Variants in CSTF3 observed in about 807,000 individuals in gnomAD.
CSTF3 encodes CF-1 77 kDa subunit.
A neutral mutation model predicts 105.8 loss-of-function variants in CSTF3; 29 were observed. That is an observed-to-expected ratio of 0.27 (90% CI 0.20 to 0.37). The LOEUF is 0.37. CSTF3 is among the 10% of genes least tolerant of loss of function. The pLI is 1.00. For synonymous variants in CSTF3, 252 were observed against 281.9 expected (o/e 0.89, Z 1.06); for missense variants, 357 against 879.3 (o/e 0.41, Z 7.51).
At chr11:33,109,360 T>C (rs980618743) in intron 3 of CSTF3, among the ~76,000 whole-genome samples, 17 of 152,226 alleles carry the variant, frequency 1.1e-4, no homozygotes, top group African/African-American at 3.9e-4. Flanking sequence ...CCCAGTTTTA[T>C]GGCTTAAACT....
At chr11:33,158,366 A>G (rs1317191667) in intron 1 of CSTF3, among the ~76,000 whole-genome samples, 1 of 152,202 alleles carries the variant, frequency 6.6e-6, no homozygotes, top group Non-Finnish European at 1.5e-5. Flanking sequence ...GAAATCCATG[A>G]ATCCATAGCG....
intron 19 of CSTF3, 32 bp from the exon 20 acceptor site, chr11:33,085,805 G>A: frequency 6.2e-7 from 1 of 1,603,796 alleles, no homozygotes; most frequent in South Asian, 1.1e-5. Context: ...TTTAATCCCA[G>A]TAATCTGACA....
intron 1 of CSTF3, among the ~76,000 whole-genome samples, chr11:33,155,537 A>G (rs1849853739): frequency 6.6e-6 from 1 of 152,214 alleles, no homozygotes; most frequent in Non-Finnish European, 1.5e-5. Flanking sequence ...TTAAAAGATG[A>G]GACTTCTTTC....
At chr11:33,137,204 T>C (rs148494974) in intron 3 of CSTF3, among the ~76,000 whole-genome samples, 8 of 151,872 alleles carry the variant, frequency 5.3e-5, no homozygotes, top group Admixed American at 5.2e-4. Context: ...AGCTGAGAAA[T>C]ACATAGGCAA....
intron 3 of CSTF3, among the ~76,000 whole-genome samples, chr11:33,131,713 G>A (rs182038666): frequency 2.3e-3 from 350 of 152,058 alleles, no homozygotes; most frequent in African/African-American, 8.2e-3. Flanking sequence ...TTAGCCGGGA[G>A]TGGTGGCGGG....
intron 1 of CSTF3, among the ~76,000 whole-genome samples, chr11:33,144,217 T>A (rs1433602688): frequency 6.6e-6 from 1 of 152,214 alleles, no homozygotes; most frequent in Admixed American, 6.5e-5. Context: ...CTGTTCAGAT[T>A]TTTTTAATTA....
At chr11:33,153,595 GCCAATGCA>G (rs908252129) in intron 1 of CSTF3, among the ~76,000 whole-genome samples, 2 of 151,252 alleles carry the variant, frequency 1.3e-5, no homozygotes, top group African/African-American at 4.9e-5. Context: ...CTATGACCAC[GCCAATGCA>G]CTGCAGCCTG....
chr11:33,111,786 T>C (rs1326457999), intron 3 of CSTF3, among the ~76,000 whole-genome samples: 1 of 152,220 alleles, frequency 6.6e-6, no homozygotes, highest in Non-Finnish European at 1.5e-5. Flanking sequence ...AAAGACACTT[T>C]TGACTAATAC....
intron 1 of CSTF3, among the ~76,000 whole-genome samples, chr11:33,148,895 T>C (rs1773401065): frequency 6.7e-6 from 1 of 149,508 alleles, no homozygotes; most frequent in African/African-American, 2.5e-5. Flanking sequence ...ACAGGCTCTC[T>C]CTACATTGCT....
At chr11:33,124,316 G>A (rs536979490) in intron 3 of CSTF3, among the ~76,000 whole-genome samples, 13 of 152,016 alleles carry the variant, frequency 8.6e-5, no homozygotes, top group East Asian at 1.9e-4. Flanking sequence ...TGACACTGGC[G>A]TAACTCAAGA....
intron 1 of CSTF3, among the ~76,000 whole-genome samples, chr11:33,151,074 T>C (rs1855853568): frequency 6.6e-6 from 1 of 152,160 alleles, no homozygotes; most frequent in Admixed American, 6.6e-5. Flanking sequence ...CTGTACCTGT[T>C]AGCAGTCACT....
intron 1 of CSTF3, among the ~76,000 whole-genome samples, chr11:33,157,514 G>A (rs1849882908): frequency 6.6e-6 from 1 of 152,032 alleles, no homozygotes. Context: ...AGCTTCAGAA[G>A]AGATCCTTGA....
chr11:33,144,289 C>T (rs1261518208), intron 1 of CSTF3, among the ~76,000 whole-genome samples: 2 of 152,066 alleles, frequency 1.3e-5, no homozygotes, highest in East Asian at 1.9e-4. Context: ...TAAGCATTTA[C>T]TTATTTAGAA....
intron 9 of CSTF3, among the ~76,000 whole-genome samples, 169 bp downstream of exon 9, chr11:33,102,938 T>G (rs1360173771): frequency 1.3e-5 from 2 of 152,258 alleles, no homozygotes; most frequent in African/African-American, 4.8e-5. Context: ...ATTTTGTTCT[T>G]ACAAAGAGAG....
chr11:33,128,098 C>T (rs1306649070), intron 3 of CSTF3, among the ~76,000 whole-genome samples: 1 of 152,034 alleles, frequency 6.6e-6, no homozygotes, highest in Admixed American at 6.5e-5. Context: ...CTTAGGATTC[C>T]CATTTAGTAA....
chr11:33,145,718 G>T (rs1032812160), intron 1 of CSTF3, among the ~76,000 whole-genome samples: 1 of 151,538 alleles, frequency 6.6e-6, no homozygotes, highest in African/African-American at 2.4e-5. Flanking sequence ...GGAGGCTGAG[G>T]CAAGAGAATA....
In CSTF3 at chr11:33,092,311, G is replaced by A. The variant is rs571388005; in HGVS notation, c.1405C>T (p.Arg469Ter). ...GGAAGGCTTCCAGATGTTAAAACTC[G>A]TTCAAACAAAACTCGGGTATTATTG... ...EDNNTRVLFE[R>*]VLTSGSLPPE... is the part of the protein sequence containing the mutation. Residue 469 changes from arginine (R) to a stop codon, truncating the protein, a stop_gained, in exon 16 of 21, where the codon CGA (arginine) becomes TGA (stop). Coordinates refer to ENST00000323959, the MANE Select transcript of CSTF3 (RefSeq NM_001326.3). LOFTEE classifies it high-confidence loss of function. 2.5e-6 allele frequency: 4 copies of A among 1,600,814 alleles called. No individual in the cohort carries two copies. The highest frequency in any genetic ancestry group is 2.6e-6 in the Non-Finnish European group (3 of 1,175,594).
intron 3 of CSTF3, among the ~76,000 whole-genome samples, chr11:33,109,969 A>C (rs1214768548): frequency 6.6e-6 from 1 of 152,094 alleles, no homozygotes; most frequent in Non-Finnish European, 1.5e-5. Context: ...ATTCTCTTCC[A>C]CTTAGCCTAT....
chr11:33,098,661 T>TG (rs754794056), intron 13 of CSTF3, 29 bp downstream of exon 13: 5 of 1,390,540 alleles, frequency 3.6e-6, no homozygotes, highest in Non-Finnish European at 5.1e-6. Flanking sequence ...ACTGTAAAGG[T>TG]GGAAAAAAAG....
Sources: gnomAD v4.1 joint callset for allele counts (sites outside exome capture counted in the v4.1 genomes callset) on GRCh38, gnomAD v4.1.1 for gene constraint, MANE v1.5 for transcripts, NCBI Gene and HGNC (gene_info 2026-07-23, HGNC 2026-07-21) for gene names.